The following CSNK1G3 variants were observed in gnomAD, a reference collection of about 807,000 sequenced individuals.
CSNK1G3 encodes the protein casein kinase I isoform gamma-3.
CSNK1G3 carries 23 observed loss-of-function variants against 64.3 expected under a neutral mutation model. The observed-to-expected ratio is 0.36, with a 90% CI of 0.26 to 0.51. The LOEUF (loss-of-function observed/expected upper bound fraction) is 0.51. Ranked by LOEUF, CSNK1G3 falls within the 20% of genes least tolerant of loss-of-function variation. The probability of loss-of-function intolerance (pLI) is 0.96; values close to 1 mark genes in which losing one functional copy is unlikely to be tolerated. For missense variants in CSNK1G3, 357 were observed against 510.5 expected (o/e 0.70, Z 2.90); for synonymous variants, 158 against 162.2 (o/e 0.97, Z 0.20).
intron 1 of CSNK1G3, among the ~76,000 whole-genome samples, chr5:123,532,476 T>G (rs1780093796): frequency 6.6e-6 from 1 of 151,840 alleles, no homozygotes; most frequent in African/African-American, 2.4e-5. Flanking sequence ...AGTGAGAAAA[T>G]AACAGTATTC....
intron 10 of CSNK1G3, among the ~76,000 whole-genome samples, chr5:123,604,221 G>A (rs1794963824): frequency 6.6e-6 from 1 of 152,048 alleles, no homozygotes; most frequent in Non-Finnish European, 1.5e-5. Context: ...TGACCCCTAC[G>A]TTTGAACAAC....
intron 1 of CSNK1G3, among the ~76,000 whole-genome samples, chr5:123,517,215 C>A (rs1257271355): frequency 1.3e-5 from 2 of 152,200 alleles, no homozygotes; most frequent in African/African-American, 4.8e-5. Context: ...AGTCTTCATT[C>A]TCTCTGTAGA....
chr5:123,615,419 A>G (rs1302218660), exon 13 of CSNK1G3: 2 of 152,544 alleles, frequency 1.3e-5, no homozygotes, highest in African/African-American at 4.8e-5. Context: ...AAAGACCCCC[A>G]GCAATAAAAA....
exon 13 of CSNK1G3, chr5:123,615,247 G>A (rs1193569738): frequency 6.6e-6 from 1 of 152,574 alleles, no homozygotes; most frequent in African/African-American, 2.4e-5. Context: ...AATACACTAA[G>A]GAGAGGTAGT....
intron 3 of CSNK1G3, among the ~76,000 whole-genome samples, chr5:123,556,507 T>C (rs1299541380): frequency 6.6e-6 from 1 of 152,018 alleles, no homozygotes; most frequent in Non-Finnish European, 1.5e-5. Context: ...TTCTATATAG[T>C]TTTTCTGTCT....
intron 6 of CSNK1G3, among the ~76,000 whole-genome samples, chr5:123,576,246 T>C (rs1234484456): frequency 6.6e-6 from 1 of 152,152 alleles, no homozygotes; most frequent in Non-Finnish European, 1.5e-5. Context: ...GGGGATGCAT[T>C]TAATCATTTC....
At chr5:123,563,969 CT>C (rs1055379297) in intron 4 of CSNK1G3, among the ~76,000 whole-genome samples, 4 of 151,922 alleles carry the variant, frequency 2.6e-5, no homozygotes, top group Non-Finnish European at 5.9e-5. Flanking sequence ...CTTAGAATTC[CT>C]TTTTCTGTCA....
intron 8 of CSNK1G3, among the ~76,000 whole-genome samples, chr5:123,589,434 G>C (rs1296772787): frequency 1.3e-5 from 2 of 152,122 alleles, no homozygotes; most frequent in Non-Finnish European, 2.9e-5. Flanking sequence ...ATAAAGGTGG[G>C]AAAAATGGGG....
chr5:123,525,130 C>T (rs1778812805), intron 1 of CSNK1G3, among the ~76,000 whole-genome samples: 1 of 152,084 alleles, frequency 6.6e-6, no homozygotes, highest in Non-Finnish European at 1.5e-5. Context: ...TGATGTCAGA[C>T]AGGTTGTCTT....
rs530300508 is a variant in CSNK1G3, at chr5:123,515,558, C to T, written c.-248+2988C>T. On this transcript the variant is annotated intron_variant, in intron 1 of 12. Coordinates refer to ENST00000345990, the Ensembl canonical transcript of CSNK1G3. ...AGAAATTTTCACAGTTCGGGATTAA[C>T]GTGTGTGAGGTTTTTAAGTCATCTT... Among the ~76,000 whole-genome samples the T allele has an allele frequency of 3.3e-5, 5 of 152,154 alleles. 1 individual carries two copies. The East Asian group carries it at 5.8e-4, about 18-fold the overall frequency.
At chr5:123,595,177 T>TA (rs999858872) in intron 10 of CSNK1G3, 43 bp downstream of exon 11, 1 of 1,562,112 alleles carries the variant, frequency 6.4e-7, no homozygotes, top group African/African-American at 1.4e-5. Context: ...CCCAGATTTA[T>TA]ACAACTAACC....
chr5:123,562,697 G>T (rs1168308470), intron 4 of CSNK1G3, among the ~76,000 whole-genome samples: 1 of 151,782 alleles, frequency 6.6e-6, no homozygotes, highest in African/African-American at 2.4e-5. Context: ...CTATGATTAG[G>T]TAAATTTATT....
intron 6 of CSNK1G3, among the ~76,000 whole-genome samples, chr5:123,585,591 C>T (rs559827122): frequency 3.9e-5 from 6 of 152,158 alleles, no homozygotes; most frequent in African/African-American, 1.4e-4. Flanking sequence ...AACTTGTGTC[C>T]AGAATATACA....
At chr5:123,537,073 A>G (rs1053357862) in intron 1 of CSNK1G3, among the ~76,000 whole-genome samples, 5 of 152,186 alleles carry the variant, frequency 3.3e-5, no homozygotes, top group African/African-American at 7.2e-5. Context: ...GGATCCAGCA[A>G]TCTCACTACT....
chr5:123,546,049 A>T, intron 2 of CSNK1G3: 1 of 487,228 alleles, frequency 2.1e-6, no homozygotes, highest in Non-Finnish European at 3.7e-6. Flanking sequence ...TTAGCCATCC[A>T]GAGATTGACT....
At chr5:123,528,139 G>T (rs1257466481) in intron 1 of CSNK1G3, among the ~76,000 whole-genome samples, 3 of 152,042 alleles carry the variant, frequency 2.0e-5, no homozygotes, top group African/African-American at 4.8e-5. Flanking sequence ...GGCTCTTATT[G>T]TTTAATGAAG....
intron 10 of CSNK1G3, among the ~76,000 whole-genome samples, chr5:123,595,991 C>T (rs897609218): frequency 2.0e-5 from 3 of 151,892 alleles, no homozygotes; most frequent in African/African-American, 7.3e-5. Flanking sequence ...TTTTTCTTTA[C>T]ATATTTTCAC....
At chr5:123,580,622 A>G (rs1239892530) in intron 6 of CSNK1G3, among the ~76,000 whole-genome samples, 1 of 151,780 alleles carries the variant, frequency 6.6e-6, no homozygotes, top group Non-Finnish European at 1.5e-5. Context: ...TTGAATTGTT[A>G]CTTTTGTGTC....
chr5:123,608,564 T>C (rs984025201), intron 12 of CSNK1G3, among the ~76,000 whole-genome samples: 3 of 152,204 alleles, frequency 2.0e-5, no homozygotes, highest in African/African-American at 7.2e-5. Flanking sequence ...TCTTTCCTTC[T>C]TCCAACATTT....
Sources: allele counts gnomAD v4.1 joint callset (sites outside exome capture counted in the v4.1 genomes callset), GRCh38; gene constraint gnomAD v4.1.1; transcripts MANE v1.5; gene names NCBI Gene and HGNC (gene_info 2026-07-23, HGNC 2026-07-21).